Variants in MPRIP observed in about 807,000 individuals in gnomAD.
MPRIP encodes myosin phosphatase Rho-interacting protein.
Under a neutral mutation model 234.9 loss-of-function variants are expected in MPRIP, and 59 were observed. The observed-to-expected ratio is 0.25, with a 90% CI of 0.20 to 0.31. MPRIP has a LOEUF of 0.31. Ranked by LOEUF, MPRIP falls within the 10% of genes least tolerant of loss-of-function variation. The pLI is 1.00. For synonymous variants in MPRIP, 1,144 were observed against 1,263.9 expected (o/e 0.91, Z 2.01); for missense variants, 2,436 against 3,071.0 (o/e 0.79, Z 4.89).
chr17:17,097,616 C>T (rs2089875404), intron 3 of MPRIP, among the ~76,000 whole-genome samples: 1 of 152,188 alleles, frequency 6.6e-6, no homozygotes, highest in African/African-American at 2.4e-5. Flanking sequence ...TACTTTCGGA[C>T]ATCCAAGTTG....
intron 3 of MPRIP, among the ~76,000 whole-genome samples, chr17:17,098,930 C>G (rs2089905372): frequency 6.6e-6 from 1 of 152,120 alleles, no homozygotes; most frequent in Non-Finnish European, 1.5e-5. Flanking sequence ...TATAAAGAGA[C>G]AAGCACGTGG....
At chr17:17,102,488 C>T (rs1008226610) in intron 3 of MPRIP, among the ~76,000 whole-genome samples, 10 of 152,190 alleles carry the variant, frequency 6.6e-5, no homozygotes, top group Non-Finnish European at 1.0e-4. Context: ...GGCAGGTGAT[C>T]GTCAGGGCAC....
At chr17:17,124,452 T>C (rs928811606) in intron 3 of MPRIP, among the ~76,000 whole-genome samples, 14 of 152,166 alleles carry the variant, frequency 9.2e-5, no homozygotes, top group Non-Finnish European at 1.6e-4. Context: ...CACCATGGTA[T>C]GGATACACAG....
chr17:17,184,656 A>C (rs1358246489), intron 23 of MPRIP, among the ~76,000 whole-genome samples, 167 bp from the exon 24 acceptor site: 2 of 151,968 alleles, frequency 1.3e-5, no homozygotes, highest in Non-Finnish European at 2.9e-5. Flanking sequence ...ATCCTCCAAT[A>C]ACAGCATTTC....
At chr17:17,125,666 A>G (rs145465529) in intron 3 of MPRIP, among the ~76,000 whole-genome samples, 2 of 152,382 alleles carry the variant, frequency 1.3e-5, no homozygotes, top group East Asian at 3.9e-4. Context: ...CAGACCCAGC[A>G]TCCTGCTCTT....
intron 3 of MPRIP, among the ~76,000 whole-genome samples, chr17:17,107,513 G>C (rs1213627985): frequency 6.6e-6 from 1 of 152,194 alleles, no homozygotes; most frequent in Non-Finnish European, 1.5e-5. Flanking sequence ...GACACTGTTG[G>C]TGCAGGGAGA....
At chr17:17,160,786 AGCCTG>A (rs1427371899) in intron 14 of MPRIP, among the ~76,000 whole-genome samples, 1 of 152,226 alleles carries the variant, frequency 6.6e-6, no homozygotes. Context: ...TGTAGAGCCT[AGCCTG>A]GCCTGTGTGA....
chr17:17,135,453 G>T (rs1219553074), intron 5 of MPRIP, among the ~76,000 whole-genome samples: 1 of 152,242 alleles, frequency 6.6e-6, no homozygotes, highest in Non-Finnish European at 1.5e-5. Flanking sequence ...GCAGATTCAA[G>T]TGGGGTATTT....
chr17:17,131,683 G>A lies in MPRIP; in HGVS notation c.486G>A (p.Val162=). Residue 162 remains valine (V), a synonymous_variant, in exon 5 of 24, where the codon GTG becomes GTA. Transcript: ENST00000651222. ...AGAATCAGAAGAAGAAACGGAAAGT[G>A]GAGCCCCCCACACCACAGGTAGGCA... ...NKQNQKKKRK[V]EPPTPQEPGP... The A allele has an allele frequency of 6.2e-7, 1 of 1,614,216 alleles. No homozygotes were observed. Among genetic ancestry groups the A allele is most frequent in the South Asian group, 1.1e-5 (1 of 91,080 alleles).
intron 3 of MPRIP, among the ~76,000 whole-genome samples, chr17:17,080,854 G>A (rs992095291): frequency 1.3e-5 from 2 of 152,226 alleles, no homozygotes; most frequent in Admixed American, 1.3e-4. Context: ...GGATGATGGT[G>A]CAGTGCCAGT....
intron 15 of MPRIP, 116 bp downstream of exon 15, chr17:17,161,472 G>A: frequency 1.7e-6 from 1 of 605,262 alleles, no homozygotes. Flanking sequence ...TGTCTCCCAG[G>A]AGCTCATGCC....
intron 3 of MPRIP, among the ~76,000 whole-genome samples, chr17:17,124,959 A>T (rs1174643757): frequency 6.6e-6 from 1 of 152,146 alleles, no homozygotes; most frequent in Non-Finnish European, 1.5e-5. Context: ...TGGCCATAGC[A>T]CTCAGTGTGG....
intron 1 of MPRIP, among the ~76,000 whole-genome samples, chr17:17,063,353 A>G (rs1042973294): frequency 3.3e-5 from 5 of 152,076 alleles, no homozygotes; most frequent in Non-Finnish European, 7.4e-5. Flanking sequence ...CCCAGCGAGG[A>G]GATGTGGTGT....
At chr17:17,172,103 A>G (rs551456948) in intron 17 of MPRIP, among the ~76,000 whole-genome samples, 2 of 152,250 alleles carry the variant, frequency 1.3e-5, no homozygotes, top group Non-Finnish European at 2.9e-5. Context: ...GGCCGGCTGC[A>G]CACAAGGAGC....
intron 1 of MPRIP, among the ~76,000 whole-genome samples, chr17:17,061,306 G>A (rs967532826): frequency 3.3e-5 from 5 of 152,220 alleles, no homozygotes; most frequent in Non-Finnish European, 7.3e-5. Context: ...TGATTTACAA[G>A]CTTAGAAAGA....
chr17:17,185,761 T>C lies in MPRIP; in HGVS notation c.*867T>C, dbSNP rs1947812712. 2.9e-6 allele frequency: 1 copy of C among 341,678 alleles called. No individual in the cohort carries two copies. The highest frequency in any genetic ancestry group is 5.8e-6 in the Non-Finnish European group (1 of 173,868). The allele number at this position is 341,678 out of a possible 1,614,324, so 21.2% of individuals were successfully genotyped here. Reference sequence around the variant, plus strand: ...GGTTTGGGGGTTTGGGTTTTTTTTTTACCTTTTGGAAAAGAAACCGTCACA... The same window carrying C: ...GGTTTGGGGGTTTGGGTTTTTTTTTCACCTTTTGGAAAAGAAACCGTCACA... On this transcript the variant is annotated 3_prime_UTR_variant, in exon 24 of 24. Coordinates refer to ENST00000651222, the MANE Select transcript of MPRIP (RefSeq NM_001364716.4).
intron 1 of MPRIP, among the ~76,000 whole-genome samples, chr17:17,061,379 T>G (rs1170093775): frequency 6.6e-6 from 1 of 152,242 alleles, no homozygotes; most frequent in African/African-American, 2.4e-5. Flanking sequence ...AGAACATTAT[T>G]AAACAGCCTA....
chr17:17,114,198 C>A (rs1026243089), intron 3 of MPRIP, among the ~76,000 whole-genome samples: 40 of 152,134 alleles, frequency 2.6e-4, no homozygotes, highest in African/African-American at 9.4e-4. Context: ...TGACGTCAGG[C>A]ACCTTTTTAT....
At chr17:17,088,308 C>G (rs931275979) in intron 3 of MPRIP, among the ~76,000 whole-genome samples, 1 of 152,238 alleles carries the variant, frequency 6.6e-6, no homozygotes, top group Non-Finnish European at 1.5e-5. Flanking sequence ...GACTTCTCTG[C>G]AGCAGCTGTG....
Sources: gnomAD v4.1 joint callset for allele counts (sites outside exome capture counted in the v4.1 genomes callset) on GRCh38, gnomAD v4.1.1 for gene constraint, MANE v1.5 for transcripts, NCBI Gene and HGNC (gene_info 2026-07-23, HGNC 2026-07-21) for gene names.